Variants in ABCG2 observed in about 807,000 individuals in gnomAD.
The protein encoded by ABCG2 is broad substrate specificity ATP-binding cassette transporter ABCG2.
ABCG2 carries 80 observed loss-of-function variants against 73.5 expected under a neutral mutation model. The observed-to-expected ratio is 1.09, with a 90% CI of 0.91 to 1.31. ABCG2 has a LOEUF of 1.31. Among genes scored for constraint, ABCG2 ranks in the 50% most tolerant of loss-of-function variants. The pLI is 0.00. For synonymous variants in ABCG2, 269 were observed against 282.4 expected (o/e 0.95, Z 0.48); for missense variants, 796 against 786.2 (o/e 1.01, Z -0.15).
intron 1 of ABCG2, among the ~76,000 whole-genome samples, chr4:88,145,527 G>T (rs1725924396): frequency 6.6e-6 from 1 of 152,134 alleles, no homozygotes; most frequent in African/African-American, 2.4e-5. Flanking sequence ...GGAGAACGCG[G>T]CCTAATTCCC....
At position 88,137,370 on chromosome 4, in the gene ABCG2, G is replaced by A. The variant is rs1725326431; in HGVS notation, c.203+2423C>T. On this transcript the variant is annotated intron_variant, in intron 2 of 15. Coordinates refer to ENST00000237612, the MANE Select transcript of ABCG2 (RefSeq NM_004827.3). Reference sequence around the variant, plus strand: ...AAGTTTAATGTAGAATGGAGTTCTGGAATAATGTCAGTTTATCTCTCCTCA... The same window carrying A: ...AAGTTTAATGTAGAATGGAGTTCTGAAATAATGTCAGTTTATCTCTCCTCA... 1.3e-5 allele frequency among the ~76,000 whole-genome samples: 2 copies of A among 152,168 alleles called. 1 individual carries two copies. Among genetic ancestry groups the A allele is most frequent in the East Asian group, 3.8e-4 (2 of 5,198 alleles).
chr4:88,231,578 G>A (rs535011325), upstream of ABCG2, among the ~76,000 whole-genome samples: 11 of 152,196 alleles, frequency 7.2e-5, no homozygotes, highest in South Asian at 1.5e-3. Flanking sequence ...TCTAGCAAAT[G>A]GCTTTGCTCT....
At chr4:88,179,967 AG>A (rs1728167399) in intron 1 of ABCG2, among the ~76,000 whole-genome samples, 1 of 152,216 alleles carries the variant, frequency 6.6e-6, no homozygotes, top group Admixed American at 6.5e-5. Context: ...GACAAAGCTA[AG>A]AGTTATTGGC....
intron 1 of ABCG2, among the ~76,000 whole-genome samples, chr4:88,181,539 T>C (rs1436283461): frequency 6.6e-6 from 1 of 151,972 alleles, no homozygotes; most frequent in Non-Finnish European, 1.5e-5. Context: ...AAGATCAGCC[T>C]AGGCAACAGA....
chr4:88,145,722 T>C (rs533350074), intron 1 of ABCG2, among the ~76,000 whole-genome samples: 1 of 152,246 alleles, frequency 6.6e-6, no homozygotes, highest in East Asian at 1.9e-4. Flanking sequence ...AGCAGATTAC[T>C]TGAGGTCAGG....
rs550999353 is a variant in ABCG2 at position 88,092,001 on chromosome 4, C to A, written c.*233G>T. The A allele has an allele frequency of 5.5e-6, 2 of 360,826 alleles. No individual in the cohort carries two copies. Among genetic ancestry groups the A allele is most frequent in the East Asian group, 9.4e-5 (2 of 21,304 alleles). The allele number at this position is 360,826 out of a possible 1,614,324, so 22.4% of individuals were successfully genotyped here. On this transcript the variant is annotated 3_prime_UTR_variant, in exon 16 of 16. Coordinates refer to ENST00000237612, the MANE Select transcript of ABCG2 (RefSeq NM_004827.3). ...TAATAAATTAGACCAGATTTCTTCC[C>A]CATGGTTACTGTCTGAGGAGATTAA...
chr4:88,100,191 T>TAAAAAAAAAA (rs35345062), intron 11 of ABCG2, among the ~76,000 whole-genome samples: 1 of 142,940 alleles, frequency 7.0e-6, no homozygotes. Context: ...ACAAAAAAAT[T>TAAAAAAAAAA]AAAAAAAAAA....
chr4:88,115,858 A>G (rs1357239662), intron 7 of ABCG2, among the ~76,000 whole-genome samples: 2 of 152,142 alleles, frequency 1.3e-5, no homozygotes, highest in Non-Finnish European at 2.9e-5. Context: ...TGCCAGAATG[A>G]TAGAACCCAC....
chr4:88,166,092 A>G (rs1727507778), intron 1 of ABCG2, among the ~76,000 whole-genome samples: 1 of 152,150 alleles, frequency 6.6e-6, no homozygotes, highest in Admixed American at 6.5e-5. Context: ...TGGTATGAAG[A>G]GTATTTTAAA....
At chr4:88,176,666 T>C (rs34847954) in intron 1 of ABCG2, among the ~76,000 whole-genome samples, 60 of 111,028 alleles carry the variant, frequency 5.4e-4, no homozygotes, top group African/African-American at 1.4e-3. Context: ...TTTTTTTTTT[T>C]TTTTTTTTGT....
intron 1 of ABCG2, among the ~76,000 whole-genome samples, chr4:88,152,148 T>C (rs1479523569): frequency 6.6e-6 from 1 of 152,158 alleles, no homozygotes; most frequent in Non-Finnish European, 1.5e-5. Context: ...AGATAGAAGC[T>C]CACATATGCA....
chr4:88,219,626 G>A (rs977504274), intron 1 of ABCG2, among the ~76,000 whole-genome samples: 2 of 114,482 alleles, frequency 1.7e-5, no homozygotes, highest in Non-Finnish European at 3.2e-5. Flanking sequence ...CTGTCACCCA[G>A]GCTGGAGTGC....
intron 2 of ABCG2, among the ~76,000 whole-genome samples, chr4:88,136,036 T>C (rs757124641): frequency 2.4e-4 from 37 of 152,054 alleles, no homozygotes; most frequent in Non-Finnish European, 2.4e-4. Flanking sequence ...AGGGTTCAGA[T>C]GAGAATTGGA....
intron 2 of ABCG2, among the ~76,000 whole-genome samples, chr4:88,132,871 C>A (rs951333903): frequency 6.6e-6 from 1 of 151,782 alleles, no homozygotes; most frequent in Non-Finnish European, 1.5e-5. Context: ...GAGTTTGAGA[C>A]CAGCCTGGGC....
At chr4:88,188,130 G>C (rs1358527030) in intron 1 of ABCG2, among the ~76,000 whole-genome samples, 1 of 152,106 alleles carries the variant, frequency 6.6e-6, no homozygotes, top group Non-Finnish European at 1.5e-5. Flanking sequence ...TTAGATTTAG[G>C]TTTTTGATCA....
intron 1 of ABCG2, among the ~76,000 whole-genome samples, chr4:88,190,983 T>C (rs1728664472): frequency 6.6e-6 from 1 of 151,822 alleles, no homozygotes; most frequent in Non-Finnish European, 1.5e-5. Context: ...ACGCCTGTAA[T>C]CCCAGCACTT....
upstream of ABCG2, among the ~76,000 whole-genome samples, chr4:88,160,899 G>A (rs540047088): frequency 8.1e-5 from 12 of 149,058 alleles, no homozygotes; most frequent in African/African-American, 2.5e-4. Context: ...TGCTGGGCAA[G>A]GAGTGACAGC....
chr4:88,139,998 GGA>G lies in ABCG2; in HGVS notation c.-5_-4del, dbSNP rs1429173245. 6 of 1,613,432 alleles carry G rather than the reference GGA, an allele frequency of 3.7e-6. No homozygotes were observed. In the South Asian group the frequency reaches 6.6e-5, roughly 18 times the overall value. Reference sequence around the variant, plus strand: ...ACTTCGACATTACTGGAAGACATCTGGAGAGTTTTTATCTTTCTGCAGACAGA... The same window carrying G: ...ACTTCGACATTACTGGAAGACATCTGGAGTTTTTATCTTTCTGCAGACAGA... On this transcript the variant is annotated 5_prime_UTR_variant, in exon 2 of 16. Transcript: ENST00000237612.
At chr4:88,159,344 T>C, upstream of ABCG2, 1 of 385,794 alleles carries the variant, frequency 2.6e-6, no homozygotes, top group South Asian at 1.9e-5. Context: ...GTGAATGGGA[T>C]TCTGAGAAAG....
Sources: gnomAD v4.1 joint callset for allele counts (sites outside exome capture counted in the v4.1 genomes callset) on GRCh38, gnomAD v4.1.1 for gene constraint, MANE v1.5 for transcripts, NCBI Gene and HGNC (gene_info 2026-07-23, HGNC 2026-07-21) for gene names.